The following FRMPD2 variants were observed in gnomAD, a reference collection of about 807,000 sequenced individuals.
FRMPD2 encodes the protein FERM and PDZ domain containing 2.
FRMPD2 carries 96 observed loss-of-function variants against 140.1 expected under a neutral mutation model. That is an observed-to-expected ratio of 0.69 (90% CI 0.58 to 0.81). The LOEUF (loss-of-function observed/expected upper bound fraction) is 0.81, where lower values mean the gene tolerates loss of function less well. Among genes scored for constraint, FRMPD2 ranks in the 40% least tolerant of loss-of-function variants. The pLI is 0.00. For missense variants in FRMPD2, 1,240 were observed against 1,447.4 expected (o/e 0.86, Z 2.32); for synonymous variants, 449 against 547.6 (o/e 0.82, Z 2.52).
At chr10:48,266,213 T>G (rs1246690213) in intron 1 of FRMPD2, among the ~76,000 whole-genome samples, 1 of 152,064 alleles carries the variant, frequency 6.6e-6, no homozygotes, top group Non-Finnish European at 1.5e-5. Context: ...TGGGTCCTAC[T>G]TGAGGATGAA....
At chr10:48,240,322 A>G (rs1362236053) in intron 6 of FRMPD2, 38 bp downstream of exon 6, 9 of 1,597,396 alleles carry the variant, frequency 5.6e-6, no homozygotes, top group Non-Finnish European at 6.0e-6. Context: ...AATGGGTACC[A>G]TCAGCCCACG....
At chr10:48,259,887 C>T (rs1467173595) in intron 1 of FRMPD2, among the ~76,000 whole-genome samples, 1 of 151,782 alleles carries the variant, frequency 6.6e-6, no homozygotes, top group Non-Finnish European at 1.5e-5. Context: ...AAGGTAAAGA[C>T]AAGAAGGGAG....
At chr10:48,241,182 A>T (rs1477701312) in intron 5 of FRMPD2, among the ~76,000 whole-genome samples, 2 of 152,160 alleles carry the variant, frequency 1.3e-5, no homozygotes, top group Non-Finnish European at 2.9e-5. Context: ...TCCAAGAAGG[A>T]GGCCTTCTCT....
chr10:48,238,641 C>A (rs1055773258), intron 7 of FRMPD2, among the ~76,000 whole-genome samples: 1 of 152,192 alleles, frequency 6.6e-6, no homozygotes, highest in African/African-American at 2.4e-5. Context: ...TCAACTATGA[C>A]AAGACACTGT....
rs1274208993 is a variant in FRMPD2, at chr10:48,185,596, T to G, written c.2316A>C (p.Glu772Asp). ...CACGTTTCAGTGTCACACGTACAAT[T>G]TCTCGGCCCGGTTCAGCTATAAAGC... ...RKSFIAEPGR[E>D]IVRVTLKRDP... The change falls in exon 18 of 29, where the codon GAA becomes GAC. Residue 772 changes from glutamate (E) to aspartate (D), a missense_variant. Coordinates refer to ENST00000374201, the MANE Select transcript of FRMPD2 (RefSeq NM_001018071.4). 1 of 1,614,006 alleles carries G rather than the reference T, an allele frequency of 6.2e-7. No individual in the cohort carries two copies. Among genetic ancestry groups the G allele is most frequent in the African/African-American group, 1.3e-5 (1 of 74,910 alleles).
intron 16 of FRMPD2, among the ~76,000 whole-genome samples, chr10:48,188,306 G>A (rs1409504221): frequency 2.0e-5 from 3 of 152,180 alleles, no homozygotes; most frequent in Non-Finnish European, 2.9e-5. Flanking sequence ...TTGGCACTGT[G>A]CAAAGAGGCT....
Position 48,244,860 on chromosome 10 carries a change from G to T in FRMPD2, c.310-11C>A, listed in dbSNP as rs763593585. 3.1e-6 allele frequency: 5 copies of T among 1,592,104 alleles called. No individual in the cohort carries two copies. The South Asian group carries it at 4.4e-5, about 14-fold the overall frequency. On this transcript the variant is annotated splice_polypyrimidine_tract_variant and intron_variant, in intron 3 of 28. Coordinates refer to ENST00000374201, the MANE Select transcript of FRMPD2 (RefSeq NM_001018071.4). The stretch of plus-strand genomic sequence containing the variant: ...AGAATAGACATGCATCTGCCCAAAA[G>T]AAGAGTACATGATTAGATTTCAATC...
intron 27 of FRMPD2, among the ~76,000 whole-genome samples, chr10:48,165,465 C>T (rs1162588415): frequency 8.7e-6 from 1 of 114,550 alleles, no homozygotes; most frequent in African/African-American, 3.6e-5. Flanking sequence ...CTTTCTTGCA[C>T]CCACTAGCAC....
At chr10:48,206,194 G>A (rs866193873) in intron 14 of FRMPD2, among the ~76,000 whole-genome samples, 2 of 152,054 alleles carry the variant, frequency 1.3e-5, no homozygotes, top group Non-Finnish European at 2.9e-5. Context: ...ATACTTAATG[G>A]GGATTTTCTA....
At position 48,201,246 on chromosome 10, in the gene FRMPD2, G is replaced by GTTTTAT; in HGVS notation, c.1935_1936insATAAAA (p.Gln645_Pro646insIleLys). The GTTTTAT allele has an allele frequency of 1.2e-6, 2 of 1,606,760 alleles. No individual in the cohort carries two copies. The highest frequency in any genetic ancestry group is 1.7e-6 in the Non-Finnish European group (2 of 1,176,180). On this transcript the variant is annotated inframe_insertion, in exon 15 of 29. Transcript: ENST00000374201. ...TACTCACCAAATAAAACATGGGAAG[G>GTTTTAT]CTGCCCAGAGCCCATCTGTGCATTA...
At chr10:48,193,303 C>T (rs1838882134) in intron 15 of FRMPD2, among the ~76,000 whole-genome samples, 1 of 152,166 alleles carries the variant, frequency 6.6e-6, no homozygotes, top group African/African-American at 2.4e-5. Context: ...AAATGTGCCT[C>T]CAAATCTCCT....
At chr10:48,202,393 A>G (rs1175530330) in intron 14 of FRMPD2, among the ~76,000 whole-genome samples, 2 of 152,198 alleles carry the variant, frequency 1.3e-5, no homozygotes, top group Non-Finnish European at 2.9e-5. Flanking sequence ...CGCATGTCAG[A>G]TATCAACAAA....
At chr10:48,213,251 A>C (rs540048011) in intron 12 of FRMPD2, among the ~76,000 whole-genome samples, 128 of 152,324 alleles carry the variant, frequency 8.4e-4, no homozygotes, top group African/African-American at 3.0e-3. Flanking sequence ...AAACAGAGAG[A>C]TATTGTTCAG....
Position 48,235,933 on chromosome 10 carries a change from T to G in FRMPD2, c.993+549A>C, listed in dbSNP as rs73294243. On this transcript the variant is annotated intron_variant, in intron 9 of 28. Transcript: ENST00000374201. ...TGAAAAGCCCACAAGGCTCACTCCT[T>G]GTCTTCACCCAGTCTTTGTTCACAA... Among the ~76,000 whole-genome samples, 372 of 152,306 alleles carry G rather than the reference T, an allele frequency of 2.4e-3. 3 individuals carry two copies. The highest frequency in any genetic ancestry group is 8.7e-3 in the African/African-American group (360 of 41,562).
intron 13 of FRMPD2, among the ~76,000 whole-genome samples, chr10:48,210,745 T>C (rs1295146050): frequency 6.6e-6 from 1 of 152,228 alleles, no homozygotes; most frequent in African/African-American, 2.4e-5. Context: ...CCATGTTAGA[T>C]ACAGGGATAG....
At chr10:48,251,770 C>T in intron 1 of FRMPD2, 79 bp from the exon 2 acceptor site, 2 of 1,562,802 alleles carry the variant, frequency 1.3e-6, no homozygotes, top group Non-Finnish European at 1.8e-6. Context: ...CACTCTGGTG[C>T]AGCCAGGCAT....
intron 12 of FRMPD2, among the ~76,000 whole-genome samples, chr10:48,220,022 C>G (rs148859367): frequency 1.3e-5 from 2 of 152,302 alleles, no homozygotes; most frequent in African/African-American, 4.8e-5. Flanking sequence ...ATCACACCAA[C>G]TTACAATGTT....
chr10:48,263,597 A>G (rs1227695988), intron 1 of FRMPD2, among the ~76,000 whole-genome samples: 1 of 152,186 alleles, frequency 6.6e-6, no homozygotes, highest in African/African-American at 2.4e-5. Context: ...ACTCATACAA[A>G]GAGAAATAGA....
intron 1 of FRMPD2, among the ~76,000 whole-genome samples, chr10:48,271,625 A>T (rs779254840): frequency 6.6e-6 from 1 of 152,314 alleles, no homozygotes; most frequent in East Asian, 1.9e-4. Context: ...GGAGGCTTAC[A>T]GCCAAGGCAA....
Sources: gnomAD v4.1 joint callset for allele counts (sites outside exome capture counted in the v4.1 genomes callset) on GRCh38, gnomAD v4.1.1 for gene constraint, MANE v1.5 for transcripts, NCBI Gene and HGNC (gene_info 2026-07-23, HGNC 2026-07-21) for gene names.